Variants in NTM observed in about 807,000 individuals in gnomAD.
NTM encodes IgLON family member 2.
NTM carries 13 observed loss-of-function variants against 42.1 expected under a neutral mutation model. The ratio of observed to expected loss-of-function variants is 0.31; its 90% CI spans 0.20 to 0.49. The LOEUF is 0.49. Among genes scored for constraint, NTM ranks in the 20% least tolerant of loss-of-function variants. NTM has a pLI of 0.99. For missense variants in NTM, 373 were observed against 452.8 expected (o/e 0.82, Z 1.60); for synonymous variants, 187 against 179.2 (o/e 1.04, Z -0.35).
chr11:131,375,796 T>TGTAC (rs1455500838), intron 1 of NTM, among the ~76,000 whole-genome samples: 1 of 151,320 alleles, frequency 6.6e-6, no homozygotes, highest in Non-Finnish European at 1.5e-5. Context: ...TTTTCTTTCA[T>TGTAC]GTATGTATGT....
At chr11:131,732,273 C>T (rs1421441080) in intron 1 of NTM, among the ~76,000 whole-genome samples, 3 of 152,176 alleles carry the variant, frequency 2.0e-5, no homozygotes, top group Non-Finnish European at 2.9e-5. Flanking sequence ...TAAATATTCG[C>T]TTCTCTCTTC....
At chr11:131,392,787 G>T (rs903027166) in intron 1 of NTM, among the ~76,000 whole-genome samples, 2 of 152,204 alleles carry the variant, frequency 1.3e-5, no homozygotes, top group Non-Finnish European at 2.9e-5. Context: ...AGTCTGGAAG[G>T]TTGCTTTCTC....
chr11:131,583,041 G>T (rs192938121), intron 1 of NTM, among the ~76,000 whole-genome samples: 1 of 152,144 alleles, frequency 6.6e-6, no homozygotes, highest in African/African-American at 2.4e-5. Flanking sequence ...TTTCACACAC[G>T]GGTAGCGTCT....
At chr11:132,309,984 A>C in intron 5 of NTM, 128 bp from the exon 6 acceptor site, 4 of 1,129,644 alleles carry the variant, frequency 3.5e-6, no homozygotes, top group Non-Finnish European at 4.8e-6. Context: ...TGAACCCGGG[A>C]GGCAGAACGT....
At chr11:131,790,591 A>T (rs933936562) in intron 1 of NTM, among the ~76,000 whole-genome samples, 7 of 152,228 alleles carry the variant, frequency 4.6e-5, no homozygotes, top group Non-Finnish European at 1.0e-4. Context: ...GAGTCAGGCC[A>T]TTCAAAGTAG....
intron 4 of NTM, among the ~76,000 whole-genome samples, chr11:132,249,843 C>A (rs981722300): frequency 2.6e-5 from 4 of 152,230 alleles, no homozygotes; most frequent in Non-Finnish European, 5.9e-5. Context: ...CCAAGGATGT[C>A]CAAATAATTT....
intron 1 of NTM, among the ~76,000 whole-genome samples, chr11:131,427,659 C>T (rs988182653): frequency 6.6e-5 from 10 of 152,236 alleles, no homozygotes; most frequent in African/African-American, 2.4e-4. Flanking sequence ...GAAAGTGGGT[C>T]TCTAAGTTTT....
chr11:131,783,585 T>C (rs1195524704), intron 1 of NTM, among the ~76,000 whole-genome samples: 3 of 152,096 alleles, frequency 2.0e-5, no homozygotes, highest in African/African-American at 4.8e-5. Context: ...ACTGAATATT[T>C]ATATGGAAGA....
At chr11:131,455,590 G>A in intron 1 of NTM, 1 of 152,256 alleles carries the variant, frequency 6.6e-6, no homozygotes. Context: ...TTTAGCAGTG[G>A]CGTTCAAAGT....
chr11:131,470,632 C>T (rs1952347372), intron 1 of NTM, among the ~76,000 whole-genome samples: 2 of 152,180 alleles, frequency 1.3e-5, no homozygotes, highest in Admixed American at 6.5e-5. Context: ...GCCCCAAAGG[C>T]TCCCCGAGTT....
intron 2 of NTM, among the ~76,000 whole-genome samples, chr11:131,920,618 T>C (rs2057080038): frequency 6.6e-6 from 1 of 152,208 alleles, no homozygotes; most frequent in Non-Finnish European, 1.5e-5. Context: ...ATTATTTGGT[T>C]TTATTTGGGT....
intron 3 of NTM, among the ~76,000 whole-genome samples, chr11:132,177,933 A>G (rs2077045393): frequency 6.6e-6 from 1 of 152,234 alleles, no homozygotes; most frequent in Non-Finnish European, 1.5e-5. Flanking sequence ...TTGCTTCCTT[A>G]TTCACTGTTG....
intron 1 of NTM, among the ~76,000 whole-genome samples, chr11:131,712,351 T>G (rs529871520): frequency 6.6e-5 from 10 of 152,188 alleles, no homozygotes; most frequent in African/African-American, 2.4e-4. Flanking sequence ...GGAGGAGTGC[T>G]GCTGTTAGCT....
chr11:131,684,032 C>T (rs2073435126), intron 1 of NTM, among the ~76,000 whole-genome samples: 1 of 152,228 alleles, frequency 6.6e-6, no homozygotes, highest in Non-Finnish European at 1.5e-5. Flanking sequence ...CTAATTCTAA[C>T]TCTACTACTT....
intron 1 of NTM, among the ~76,000 whole-genome samples, chr11:131,841,202 A>G (rs1197774552): frequency 1.3e-5 from 2 of 152,208 alleles, no homozygotes; most frequent in Non-Finnish European, 2.9e-5. Context: ...CAATAGCTAT[A>G]ATAAATTGTA....
At chr11:131,394,131 G>T (rs116478757) in intron 1 of NTM, among the ~76,000 whole-genome samples, 2,939 of 152,304 alleles carry the variant, frequency 0.019, 84 homozygotes, top group African/African-American at 0.065. Flanking sequence ...ATAATGACTT[G>T]CAGGGGAAAG....
At chr11:131,433,079 G>T (rs537728583) in intron 1 of NTM, among the ~76,000 whole-genome samples, 1 of 151,564 alleles carries the variant, frequency 6.6e-6, no homozygotes, top group Non-Finnish European at 1.5e-5. Flanking sequence ...GGATGTTCTC[G>T]ATCTCCTGAC....
intron 1 of NTM, among the ~76,000 whole-genome samples, chr11:131,610,547 G>C (rs1476397248): frequency 2.6e-5 from 4 of 152,210 alleles, no homozygotes; most frequent in Non-Finnish European, 5.9e-5. Flanking sequence ...GGAGCAAGGA[G>C]AGCTTGGTTT....
chr11:132,115,706 C>A (rs1417441564), intron 2 of NTM, among the ~76,000 whole-genome samples: 3 of 152,200 alleles, frequency 2.0e-5, no homozygotes, highest in Non-Finnish European at 4.4e-5. Context: ...GTTTCTGTGA[C>A]CACTTGCCCT....
Sources: allele counts gnomAD v4.1 joint callset (sites outside exome capture counted in the v4.1 genomes callset), GRCh38; gene constraint gnomAD v4.1.1; transcripts MANE v1.5; gene names NCBI Gene and HGNC (gene_info 2026-07-23, HGNC 2026-07-21).